The following TSHR variants were observed in gnomAD, a reference collection of about 807,000 sequenced individuals.
TSHR encodes thyrotropin receptor.
TSHR carries 51 observed loss-of-function variants against 64.1 expected under a neutral mutation model. The observed-to-expected ratio is 0.80, with a 90% CI of 0.64 to 1.01. TSHR has a LOEUF of 1.01. Among genes scored for constraint, TSHR ranks in the 50% least tolerant of loss-of-function variants. The pLI is 0.00. For synonymous variants in TSHR, 361 were observed against 361.9 expected (o/e 1.00, Z 0.03); for missense variants, 877 against 942.8 (o/e 0.93, Z 0.91).
intron 1 of TSHR, among the ~76,000 whole-genome samples, chr14:81,059,318 A>G (rs1161883778): frequency 1.3e-5 from 2 of 152,188 alleles, no homozygotes; most frequent in Non-Finnish European, 2.9e-5. Context: ...TAAAAGCCAG[A>G]AAAGAAATTA....
intron 9 of TSHR, 80 bp downstream of exon 9, chr14:81,139,947 T>C: frequency 6.4e-7 from 1 of 1,554,396 alleles, no homozygotes; most frequent in Non-Finnish European, 8.8e-7. Context: ...GGGAAGATGC[T>C]TCCTGGTTTG....
rs180835062 is a variant in TSHR, at chr14:81,104,824, A to G, written c.615-3551A>G. The G allele has an allele frequency of 2.1e-4, 208 of 985,374 alleles. No homozygotes were observed. In the African/African-American group the frequency reaches 3.4e-3, roughly 16 times the overall value. The allele number at this position is 985,374 out of a possible 1,614,324, so 61.0% of individuals were successfully genotyped here. On this transcript the variant is annotated intron_variant, in intron 7 of 9. Transcript: ENST00000298171. The stretch of plus-strand genomic sequence containing the variant: ...ATGGAAATCTGACATCTCTTTTCTC[A>G]GAAGAACTTCATTTCTTCCAACAGG...
chr14:81,048,706 C>T (rs1249753262), intron 1 of TSHR, among the ~76,000 whole-genome samples: 3 of 152,050 alleles, frequency 2.0e-5, no homozygotes, highest in African/African-American at 4.8e-5. Flanking sequence ...AGTATGAAAG[C>T]GCTTAGTGAG....
chr14:80,958,568 A>T lies in TSHR; in HGVS notation c.170+2718A>T, dbSNP rs190124978. On this transcript the variant is annotated intron_variant, in intron 1 of 9. Transcript: ENST00000298171. ...AAAGCAGGAGGTTAGCAGGGAAAGG[A>T]AAGAAGAAGGAAGGAAGAAAGAGAG... 8.0e-3 allele frequency among the ~76,000 whole-genome samples: 1,214 copies of T among 152,304 alleles called. 10 individuals carry two copies. Among genetic ancestry groups the T allele is most frequent in the Non-Finnish European group, 9.8e-3 (669 of 68,018 alleles).
chr14:81,115,889 G>A (rs1890481089), intron 8 of TSHR, among the ~76,000 whole-genome samples: 1 of 150,426 alleles, frequency 6.6e-6, no homozygotes, highest in African/African-American at 2.4e-5. Context: ...CATTCTTCAA[G>A]AAAAGAATTT....
intron 1 of TSHR, among the ~76,000 whole-genome samples, chr14:81,019,744 A>C (rs1270932495): frequency 6.6e-6 from 1 of 152,104 alleles, no homozygotes; most frequent in Non-Finnish European, 1.5e-5. Flanking sequence ...TTTGCTGAGA[A>C]TGATGGTTTC....
intron 7 of TSHR, among the ~76,000 whole-genome samples, chr14:81,100,841 TACCTGGAAGCTCATCCAA>T (rs1383748012): frequency 6.6e-6 from 1 of 152,218 alleles, no homozygotes; most frequent in Non-Finnish European, 1.5e-5. Context: ...ACCTTCCAGC[TACCTGGAAGCTCATCCAA>T]ACCCTCTCCT....
Position 81,063,793 on chromosome 14 carries a change from T to C in TSHR, c.242+1574T>C, listed in dbSNP as rs112615842. ...TGATGGGGTCAGTTATTGGGTGATA[T>C]GGAAACTCACATAAGAGGTCTATTA... is the stretch of plus-strand genomic sequence containing the variant. On this transcript the variant is annotated intron_variant, in intron 2 of 9. Coordinates refer to ENST00000298171, the MANE Select transcript of TSHR (RefSeq NM_000369.5). 2.0e-3 allele frequency among the ~76,000 whole-genome samples: 303 copies of C among 152,040 alleles called. 1 individual carries two copies. The highest frequency in any genetic ancestry group is 6.7e-3 in the African/African-American group (276 of 41,464).
At chr14:80,996,441 A>G (rs906892372) in intron 1 of TSHR, among the ~76,000 whole-genome samples, 2 of 152,146 alleles carry the variant, frequency 1.3e-5, no homozygotes, top group African/African-American at 4.8e-5. Flanking sequence ...TGACTGGTTT[A>G]TTGCAAAATT....
intron 9 of TSHR, among the ~76,000 whole-genome samples, chr14:81,140,181 C>G (rs977444456): frequency 6.6e-6 from 1 of 152,116 alleles, no homozygotes; most frequent in Non-Finnish European, 1.5e-5. Flanking sequence ...TTTCCAGGTA[C>G]AATTCAGAAT....
chr14:81,015,636 G>A (rs1890142514), intron 1 of TSHR, among the ~76,000 whole-genome samples: 1 of 151,942 alleles, frequency 6.6e-6, no homozygotes, highest in Non-Finnish European at 1.5e-5. Flanking sequence ...TTTGTGGTGA[G>A]AGCACTTAAA....
chr14:81,002,933 C>T lies in TSHR; in HGVS notation c.170+47083C>T, dbSNP rs1407263845. 3.9e-5 allele frequency among the ~76,000 whole-genome samples: 4 copies of T among 102,148 alleles called. 1 individual carries two copies. The highest frequency in any genetic ancestry group is 2.1e-5 in the Non-Finnish European group (1 of 48,754). 67.0% of individuals were successfully genotyped at this position (102,148 alleles called of 152,430 possible). ...CATGCTGGTGCGCTGCACCCACTAACGTGTCATCTAGCATTAGGTATATCT... is the reference window on the plus strand; with the variant it reads ...CATGCTGGTGCGCTGCACCCACTAATGTGTCATCTAGCATTAGGTATATCT... On this transcript the variant is annotated intron_variant, in intron 1 of 9. Coordinates refer to ENST00000298171, the MANE Select transcript of TSHR (RefSeq NM_000369.5).
intron 1 of TSHR, among the ~76,000 whole-genome samples, chr14:80,971,093 G>T (rs1887568457): frequency 6.6e-6 from 1 of 152,154 alleles, no homozygotes; most frequent in African/African-American, 2.4e-5. Context: ...CAAAGTGCTG[G>T]GATTACAAGC....
At chr14:80,993,953 A>G (rs1470119367) in intron 1 of TSHR, 10 of 152,096 alleles carry the variant, frequency 6.6e-5, no homozygotes, top group Non-Finnish European at 1.5e-4. Context: ...TTTTCAATAA[A>G]AGTAACACTG....
intron 1 of TSHR, among the ~76,000 whole-genome samples, chr14:80,985,099 A>C (rs1211016892): frequency 6.6e-6 from 1 of 152,090 alleles, no homozygotes; most frequent in Non-Finnish European, 1.5e-5. Context: ...AAATACAAAA[A>C]ATTAGCCGGG....
intron 8 of TSHR, among the ~76,000 whole-genome samples, chr14:81,133,767 A>G (rs1891342844): frequency 6.6e-6 from 1 of 152,232 alleles, no homozygotes; most frequent in African/African-American, 2.4e-5. Flanking sequence ...GATCAAAACC[A>G]AGATACACAA....
intron 4 of TSHR, 78 bp from the exon 5 acceptor site, chr14:81,090,991 T>C: frequency 8.1e-7 from 1 of 1,232,412 alleles, no homozygotes; most frequent in Non-Finnish European, 1.2e-6. Flanking sequence ...TTTCAGCTAT[T>C]ACATTATTCT....
At chr14:80,989,224 T>C (rs1888612306) in intron 1 of TSHR, among the ~76,000 whole-genome samples, 1 of 152,226 alleles carries the variant, frequency 6.6e-6, no homozygotes, top group Non-Finnish European at 1.5e-5. Context: ...CAGCATTTTT[T>C]ACACTAGCTT....
At chr14:81,132,204 G>A (rs999699359) in intron 8 of TSHR, among the ~76,000 whole-genome samples, 1 of 152,160 alleles carries the variant, frequency 6.6e-6, no homozygotes, top group Admixed American at 6.5e-5. Flanking sequence ...TTATAATGGA[G>A]CAGCTTCCAC....
Sources: gnomAD v4.1 joint callset for allele counts (sites outside exome capture counted in the v4.1 genomes callset) on GRCh38, gnomAD v4.1.1 for gene constraint, MANE v1.5 for transcripts, NCBI Gene and HGNC (gene_info 2026-07-23, HGNC 2026-07-21) for gene names.